Variants in ATG16L1 observed in about 807,000 individuals in gnomAD.
ATG16L1 encodes autophagy related 16 like 1, also known as autophagy-related protein 16-1.
A neutral mutation model predicts 88.5 loss-of-function variants in ATG16L1; 37 were observed. That is an observed-to-expected ratio of 0.42 (90% CI 0.32 to 0.55). The LOEUF is 0.55. ATG16L1 is among the 20% of genes least tolerant of loss of function. The pLI, the probability that ATG16L1 is intolerant of heterozygous loss-of-function variation, is 0.13. For missense variants in ATG16L1, 554 were observed against 752.8 expected, an observed-to-expected ratio of 0.74 and a Z score of 3.09; for synonymous variants, 301 against 281.0, an observed-to-expected ratio of 1.07 and a Z score of -0.71.
chr2:233,252,984 T>A (rs1258296922), intron 1 of ATG16L1, among the ~76,000 whole-genome samples: 1 of 152,188 alleles, frequency 6.6e-6, no homozygotes, highest in Non-Finnish European at 1.5e-5. Context: ...TAGCTCCACA[T>A]TAGAATCACC....
intron 2 of ATG16L1, among the ~76,000 whole-genome samples, chr2:233,258,335 C>T (rs1182308400): frequency 6.6e-6 from 1 of 152,266 alleles, no homozygotes; most frequent in South Asian, 2.1e-4. Context: ...AGAGCTGTAG[C>T]TGCTCTCATG....
chr2:233,261,717 T>C (rs1233832541), intron 2 of ATG16L1, among the ~76,000 whole-genome samples: 1 of 152,176 alleles, frequency 6.6e-6, no homozygotes, highest in Non-Finnish European at 1.5e-5. Context: ...ATCTACAAGC[T>C]TTCCCTAGAC....
chr2:233,251,837 G>A lies in ATG16L1; in HGVS notation c.10G>A (p.Gly4Ser). The A allele has an allele frequency of 6.5e-7, 1 of 1,549,778 alleles. No individual in the cohort carries two copies. The change falls in exon 1 of 18, where the codon GGC becomes AGC. Residue 4 changes from glycine (G) to serine (S), a missense_variant. Around this residue, in one of 5 missense-constraint regions of ATG16L1, gnomAD observed 101 missense variants for 107.0 expected, o/e 0.94. Coordinates refer to ENST00000392017, the MANE Select transcript of ATG16L1 (RefSeq NM_030803.7). ...CGGGGCAGCAAGTGACATGTCGTCG[G>A]GCCTCCGCGCCGCTGACTTCCCCCG... MSS[G>S]LRAADFPRWK...
At chr2:233,264,328 TC>T (rs141719669) in intron 4 of ATG16L1, among the ~76,000 whole-genome samples, 6 of 152,326 alleles carry the variant, frequency 3.9e-5, no homozygotes, top group Non-Finnish European at 8.8e-5. Context: ...CTAGCAGCTC[TC>T]CTGTGGCCGC....
chr2:233,289,758 ACT>A, intron 12 of ATG16L1, 94 bp from the exon 13 acceptor site: 9 of 1,529,136 alleles, frequency 5.9e-6, no homozygotes, highest in East Asian at 4.6e-5. Context: ...GTGGTCTGAC[ACT>A]CTGACTCTGG....
intron 2 of ATG16L1, among the ~76,000 whole-genome samples, chr2:233,261,342 A>T (rs1010785670): frequency 2.0e-5 from 3 of 152,192 alleles, no homozygotes; most frequent in Non-Finnish European, 4.4e-5. Context: ...TGAGTCCAGG[A>T]GTTCGAGGCC....
chr2:233,263,867 C>T (rs1401756548), intron 3 of ATG16L1, 125 bp from the exon 4 acceptor site: 1 of 816,246 alleles, frequency 1.2e-6, no homozygotes, highest in Non-Finnish European at 1.9e-6. Context: ...CCCATAGGCG[C>T]CTCGGCTCCT....
chr2:233,263,181 AC>A lies in ATG16L1; in HGVS notation c.262del (p.Leu88Ter). ...ACAATCAGCTACAAGAAATGGCCCA[AC>A]TGAGGATTAAGCACCAAGAGGAACT... ...NDNQLQEMAQ[L>X]RIKHQEELTE... On this transcript the variant is annotated frameshift_variant, in exon 3 of 18. Coordinates refer to ENST00000392017, the MANE Select transcript of ATG16L1 (RefSeq NM_030803.7). LOFTEE classifies it high-confidence loss of function. The A allele has an allele frequency of 6.2e-7, 1 of 1,614,144 alleles. No homozygotes were observed. Among genetic ancestry groups the A allele is most frequent in the Non-Finnish European group, 8.5e-7 (1 of 1,180,016 alleles).
intron 11 of ATG16L1, 32 bp from the exon 12 acceptor site, chr2:233,282,648 TAA>T (rs748712824): frequency 1.9e-5 from 30 of 1,589,244 alleles, no homozygotes; most frequent in Non-Finnish European, 2.6e-5. Context: ...CTGATTTGGC[TAA>T]AAATTGGTTT....
rs530825096 is a variant in ATG16L1, at chr2:233,285,314, A to C, written c.1203+2561A>C. Among the ~76,000 whole-genome samples the C allele has an allele frequency of 3.9e-5, 6 of 152,342 alleles. No homozygotes were observed. The South Asian group carries it at 1.0e-3, about 26-fold the overall frequency. On this transcript the variant is annotated intron_variant, in intron 12 of 17. Transcript: ENST00000392017. ...AGAAGAGGAAGAAGTTGAGTCAACC[A>C]GTAGTGCAGGATATTTTTTAATTGG...
At chr2:233,274,473 A>C in intron 8 of ATG16L1, 1 of 503,232 alleles carries the variant, frequency 2.0e-6, no homozygotes, top group Non-Finnish European at 3.6e-6. Context: ...AGAGTAAGGC[A>C]TGTGCTGGCT....
chr2:233,280,287 T>C (rs1431416405), intron 10 of ATG16L1, among the ~76,000 whole-genome samples: 2 of 152,272 alleles, frequency 1.3e-5, no homozygotes, highest in Non-Finnish European at 2.9e-5. Context: ...CCTTAATTTC[T>C]AGCTTATCTG....
At chr2:233,266,308 CA>C (rs1254297777) in intron 5 of ATG16L1, 1 of 152,162 alleles carries the variant, frequency 6.6e-6, no homozygotes. Context: ...AAAACAAAAA[CA>C]AAAGCTGAGC....
At chr2:233,273,692 GT>G in intron 7 of ATG16L1, 28 bp from the exon 8 acceptor site, 1 of 1,611,210 alleles carries the variant, frequency 6.2e-7, no homozygotes, top group Non-Finnish European at 8.5e-7. Flanking sequence ...TGTTTCTAAG[GT>G]TTAAACCTAT....
At chr2:233,252,410 C>T (rs922625361) in intron 1 of ATG16L1, among the ~76,000 whole-genome samples, 3 of 151,912 alleles carry the variant, frequency 2.0e-5, no homozygotes, top group African/African-American at 4.8e-5. Context: ...GGATCAGGGT[C>T]TTGCTGTGTC....
intron 7 of ATG16L1, 127 bp downstream of exon 7, chr2:233,273,179 G>A (rs1000960293): frequency 3.2e-5 from 23 of 712,128 alleles, no homozygotes; most frequent in African/African-American, 1.8e-4. Context: ...GACACCCAGC[G>A]TCGAACACAC....
In ATG16L1 at chr2:233,286,648, C is replaced by G. The variant is rs530673132; in HGVS notation, c.1204-3206C>G. Among the ~76,000 whole-genome samples the G allele has an allele frequency of 9.5e-5, 8 of 83,894 alleles. No homozygotes were observed. In the South Asian group the frequency reaches 1.4e-3, roughly 15 times the overall value. The allele number at this position is 83,894 out of a possible 152,430, so 55.0% of individuals were successfully genotyped here. ...TTTTTTTTTTTTTTTTTTTTTGAGACAGTGTCTCGCTCAGTCACCCAGGCT... is the reference window on the plus strand; with the variant it reads ...TTTTTTTTTTTTTTTTTTTTTGAGAGAGTGTCTCGCTCAGTCACCCAGGCT... On this transcript the variant is annotated intron_variant, in intron 12 of 17. Transcript: ENST00000392017.
chr2:233,262,504 T>G (rs1191871611), intron 2 of ATG16L1, among the ~76,000 whole-genome samples: 2 of 152,166 alleles, frequency 1.3e-5, no homozygotes, highest in African/African-American at 2.4e-5. Flanking sequence ...TGCCTGGGCT[T>G]CAGTCACCCT....
At chr2:233,275,602 T>C (rs1196880308) in intron 9 of ATG16L1, 1 of 431,176 alleles carries the variant, frequency 2.3e-6, no homozygotes, top group Admixed American at 2.5e-5. Context: ...GGCTGAGTGA[T>C]GAACTGCCTT....
Sources: allele counts gnomAD v4.1 joint callset (sites outside exome capture counted in the v4.1 genomes callset), GRCh38; gene constraint gnomAD v4.1.1; regional missense constraint gnomAD v4.1.1; transcripts MANE v1.5; gene names NCBI Gene and HGNC (gene_info 2026-07-23, HGNC 2026-07-21).